DPY19L2: variants seen among roughly 807,000 people sequenced by gnomAD.
DPY19L2 encodes probable C-mannosyltransferase DPY19L2.
In DPY19L2, 34 loss-of-function variants were observed where a neutral mutation model predicts 97.9. That is an observed-to-expected ratio of 0.35 (90% CI 0.26 to 0.46). The LOEUF is 0.46. Among genes scored for constraint, DPY19L2 ranks in the 20% least tolerant of loss-of-function variants. The pLI, the probability that DPY19L2 is intolerant of heterozygous loss-of-function variation, is 1.00. For missense variants in DPY19L2, 623 were observed against 911.4 expected (o/e 0.68, Z 4.07); for synonymous variants, 230 against 307.9 (o/e 0.75, Z 2.65).
intron 13 of DPY19L2, among the ~76,000 whole-genome samples, chr12:63,599,858 A>G (rs1479903309): frequency 1.3e-4 from 20 of 152,164 alleles, no homozygotes; most frequent in Admixed American, 1.3e-3. Context: ...ATATAACAAG[A>G]AAGGCCTTAA....
intron 2 of DPY19L2, among the ~76,000 whole-genome samples, chr12:63,664,310 C>T (rs1226409079): frequency 2.6e-5 from 4 of 151,910 alleles, no homozygotes; most frequent in African/African-American, 7.3e-5. Flanking sequence ...GCACTCCAGC[C>T]TGGGCGACAG....
chr12:63,588,817 G>A (rs1014478050), intron 16 of DPY19L2, among the ~76,000 whole-genome samples: 1 of 147,350 alleles, frequency 6.8e-6, no homozygotes, highest in Non-Finnish European at 1.5e-5. Flanking sequence ...GCGGTGGCGC[G>A]ATCTCAGCTC....
At chr12:63,584,486 C>T (rs577404266) in intron 16 of DPY19L2, among the ~76,000 whole-genome samples, 14 of 152,206 alleles carry the variant, frequency 9.2e-5, no homozygotes, top group African/African-American at 2.9e-4. Flanking sequence ...AAACATTAAA[C>T]GAAAAGTTCC....
intron 1 of DPY19L2, among the ~76,000 whole-genome samples, chr12:63,667,469 C>T (rs1428881569): frequency 2.0e-5 from 3 of 152,100 alleles, no homozygotes; most frequent in Admixed American, 6.5e-5. Flanking sequence ...TTATCACATG[C>T]CCTTTCCAAG....
chr12:63,663,981 G>A, intron 2 of DPY19L2, 136 bp from the exon 3 acceptor site: 1 of 631,174 alleles, frequency 1.6e-6, no homozygotes, highest in South Asian at 2.2e-5. Context: ...TAACTTGTAT[G>A]TTTTTCAGCA....
intron 6 of DPY19L2, among the ~76,000 whole-genome samples, chr12:63,640,115 A>C (rs1455322830): frequency 6.6e-6 from 1 of 152,082 alleles, no homozygotes; most frequent in East Asian, 1.9e-4. Flanking sequence ...AAAACCAAAC[A>C]CCACATGTTC....
chr12:63,584,987 C>A (rs1239857476), intron 16 of DPY19L2, among the ~76,000 whole-genome samples: 2 of 152,114 alleles, frequency 1.3e-5, no homozygotes, highest in Non-Finnish European at 2.9e-5. Context: ...ATGGAAAAGG[C>A]ATTAAATCTG....
At chr12:63,651,702 G>A (rs1292954935) in intron 4 of DPY19L2, 2 of 453,922 alleles carry the variant, frequency 4.4e-6, no homozygotes, top group Admixed American at 4.3e-5. Flanking sequence ...GAAGTATGCT[G>A]GAAAGGATGG....
chr12:63,653,461 T>C (rs913926217), intron 4 of DPY19L2, among the ~76,000 whole-genome samples: 2 of 152,004 alleles, frequency 1.3e-5, no homozygotes, highest in African/African-American at 2.4e-5. Flanking sequence ...GGTGGGCAGA[T>C]CCCTTGATTC....
At chr12:63,621,915 T>C (rs1398893701) in intron 8 of DPY19L2, among the ~76,000 whole-genome samples, 1 of 152,182 alleles carries the variant, frequency 6.6e-6, no homozygotes, top group East Asian at 1.9e-4. Flanking sequence ...CAATACCTTT[T>C]ACCACAGAGA....
rs56375248 is a variant in DPY19L2, at chr12:63,614,190, CAA to C, written c.1218+3112_1218+3113del. Among the ~76,000 whole-genome samples the C allele has an allele frequency of 4.1e-3, 466 of 114,048 alleles. 4 individuals are homozygous for C. The highest frequency in any genetic ancestry group is 8.1e-3 in the East Asian group (32 of 3,972). The allele number at this position is 114,048 out of a possible 152,430, so 74.8% of individuals were successfully genotyped here. ...GGGCAACAAGAGCGAAACTCCGTCT[CAA>C]AAAAAAAAAAAAAAGAAGAAAAGAA... On this transcript the variant is annotated intron_variant, in intron 11 of 21. Coordinates refer to ENST00000324472, the MANE Select transcript of DPY19L2 (RefSeq NM_173812.5).
At chr12:63,656,914 T>C (rs562154151) in intron 4 of DPY19L2, among the ~76,000 whole-genome samples, 118 of 152,222 alleles carry the variant, frequency 7.8e-4, no homozygotes, top group African/African-American at 2.6e-3. Context: ...ATCTATCTGA[T>C]CTTGCATATC....
At chr12:63,624,871 C>T (rs1053797232) in intron 7 of DPY19L2, among the ~76,000 whole-genome samples, 5 of 151,974 alleles carry the variant, frequency 3.3e-5, no homozygotes, top group Non-Finnish European at 7.4e-5. Flanking sequence ...TTCCAAGATA[C>T]CAAAATTGTA....
intron 5 of DPY19L2, among the ~76,000 whole-genome samples, chr12:63,644,745 C>T (rs1372429310): frequency 1.3e-5 from 2 of 151,780 alleles, no homozygotes; most frequent in East Asian, 3.9e-4. Context: ...TGTAAGCTCA[C>T]CCTTAATGAG....
chr12:63,655,807 A>G (rs981289281), intron 4 of DPY19L2, among the ~76,000 whole-genome samples: 3 of 152,032 alleles, frequency 2.0e-5, no homozygotes, highest in African/African-American at 7.3e-5. Flanking sequence ...ACCATGGAGG[A>G]TGCTTTCTGA....
intron 11 of DPY19L2, among the ~76,000 whole-genome samples, chr12:63,611,611 T>G (rs1379812937): frequency 6.6e-6 from 1 of 151,946 alleles, no homozygotes; most frequent in Non-Finnish European, 1.5e-5. Context: ...CAAAATGAAC[T>G]TTTAGATATG....
chr12:63,632,060 T>C (rs992961709), intron 6 of DPY19L2, among the ~76,000 whole-genome samples: 5 of 152,222 alleles, frequency 3.3e-5, no homozygotes, highest in Admixed American at 1.3e-4. Context: ...TGATGGGACA[T>C]ATCTCAAAAT....
In DPY19L2 at chr12:63,647,226, A is replaced by G. The variant is rs754807197; in HGVS notation, c.709+19T>C. ...TTTATGAATGTTTACAAATGACAGC[A>G]TTTTTGGAAGAAACATGCCTTCACA... is the stretch of plus-strand genomic sequence containing the variant. On this transcript the variant is annotated intron_variant, in intron 5 of 21. Transcript: ENST00000324472. The G allele has an allele frequency of 6.8e-7, 1 of 1,474,988 alleles. No individual in the cohort carries two copies. Among genetic ancestry groups the G allele is most frequent in the Non-Finnish European group, 9.1e-7 (1 of 1,101,960 alleles). The allele number at this position is 1,474,988 out of a possible 1,614,324, so 91.4% of individuals were successfully genotyped here.
intron 4 of DPY19L2, among the ~76,000 whole-genome samples, chr12:63,653,294 T>C (rs1259395560): frequency 1.3e-5 from 2 of 152,092 alleles, no homozygotes; most frequent in African/African-American, 2.4e-5. Context: ...GTCCCGGTGG[T>C]TCATGCCTGT....
Sources: gnomAD v4.1 joint callset for allele counts (sites outside exome capture counted in the v4.1 genomes callset) on GRCh38, gnomAD v4.1.1 for gene constraint, MANE v1.5 for transcripts, NCBI Gene and HGNC (gene_info 2026-07-23, HGNC 2026-07-21) for gene names.